Variants in C4orf50 observed in about 807,000 individuals in gnomAD.
The protein encoded by C4orf50 is chromosome 4 open reading frame 50, also known as uncharacterized protein C4orf50.
In C4orf50, 80 loss-of-function variants were observed where a neutral mutation model predicts 77.2. The ratio of observed to expected loss-of-function variants is 1.04; its 90% CI spans 0.87 to 1.25. The LOEUF (loss-of-function observed/expected upper bound fraction) is 1.25, where lower values mean the gene tolerates loss of function less well. C4orf50 is among the 50% of genes most tolerant of loss of function. C4orf50 has a pLI of 0.00. For missense variants in C4orf50, 1,257 were observed against 1,152.9 expected (o/e 1.09, Z -1.31); for synonymous variants, 532 against 465.3 (o/e 1.14, Z -1.84).
At chr4:5,923,102 T>G (rs993558889) in intron 7 of C4orf50, among the ~76,000 whole-genome samples, 2 of 152,202 alleles carry the variant, frequency 1.3e-5, no homozygotes, top group African/African-American at 4.8e-5. Flanking sequence ...TTTTCCCTGT[T>G]CCAGGAGGGA....
intron 7 of C4orf50, among the ~76,000 whole-genome samples, chr4:5,951,429 G>C (rs1002544568): frequency 3.3e-5 from 5 of 152,120 alleles, no homozygotes; most frequent in African/African-American, 1.2e-4. Flanking sequence ...AGATCCCAAA[G>C]CTAGTTAATG....
intron 7 of C4orf50, among the ~76,000 whole-genome samples, chr4:5,948,891 G>A (rs750869614): frequency 4.7e-5 from 7 of 150,300 alleles, no homozygotes; most frequent in Non-Finnish European, 7.4e-5. Context: ...AACTTGGGAT[G>A]CAGAGGTTGC....
intron 31 of C4orf50, among the ~76,000 whole-genome samples, chr4:5,971,824 G>A (rs1304177696): frequency 6.6e-6 from 1 of 152,120 alleles, no homozygotes; most frequent in Non-Finnish European, 1.5e-5. Flanking sequence ...GTCATTGTAA[G>A]TCAGCCGATC....
At chr4:5,928,856 A>G (rs1054625058) in intron 7 of C4orf50, among the ~76,000 whole-genome samples, 1 of 152,200 alleles carries the variant, frequency 6.6e-6, no homozygotes, top group South Asian at 2.1e-4. Flanking sequence ...AACAAAAAAT[A>G]AGTCAACCTT....
intron 25 of C4orf50, among the ~76,000 whole-genome samples, chr4:6,003,271 C>T (rs1367780760): frequency 3.3e-5 from 5 of 152,242 alleles, no homozygotes; most frequent in South Asian, 2.1e-4. Context: ...TGACAAATTA[C>T]ACTCACATCT....
chr4:5,959,557 G>T (rs1277058158), exon 34 of C4orf50: 1 of 1,614,156 alleles, frequency 6.2e-7, no homozygotes. Context: ...TGTGCGGGGA[G>T]ACCTGGTTCC....
At chr4:5,988,240 TGATTG>T in intron 28 of C4orf50, 102 bp downstream of exon 6, 7 of 1,398,906 alleles carry the variant, frequency 5.0e-6, no homozygotes, top group Non-Finnish European at 6.8e-6. Context: ...GTGGGGAGGA[TGATTG>T]TACCTCCCTC....
Position 5,908,346 on chromosome 4 carries a change from G to A in C4orf50, c.*2475-10158C>T, listed in dbSNP as rs929221889. On this transcript the variant is annotated intron_variant, in intron 7 of 7. Coordinates refer to the C4orf50 transcript ENST00000324058. The surrounding 1 kb of genome is among the most constrained non-coding windows in gnomAD (Gnocchi z 5.6). ...CATTATGACAGGGTACATGCAGGAA[G>A]CTCACTGCACTGCACTGCATGTGTG... Among the ~76,000 whole-genome samples, 1 of 152,152 alleles carries A rather than the reference G, an allele frequency of 6.6e-6. No individual in the cohort carries two copies. The highest frequency in any genetic ancestry group is 2.4e-5 in the African/African-American group (1 of 41,432).
intron 29 of C4orf50, among the ~76,000 whole-genome samples, chr4:5,979,234 A>G (rs1720441265): frequency 1.3e-5 from 2 of 152,240 alleles, no homozygotes; most frequent in Admixed American, 1.3e-4. Context: ...CGAGAGAGAA[A>G]TAAAAATGTT....
chr4:5,991,692 C>T (rs1220401155), intron 27 of C4orf50, among the ~76,000 whole-genome samples: 1 of 152,208 alleles, frequency 6.6e-6, no homozygotes, highest in East Asian at 1.9e-4. Context: ...CCTAGAATAG[C>T]TGGGAGAGGC....
At chr4:5,990,504 A>G (rs1721207646) in exon 28 of C4orf50, 2 of 399,130 alleles carry the variant, frequency 5.0e-6, no homozygotes, top group South Asian at 2.5e-4. Flanking sequence ...TTGTCTGGTG[A>G]CAATCCCAGC....
At chr4:5,952,674 A>G (rs1718781744), downstream of C4orf50, among the ~76,000 whole-genome samples, 1 of 152,190 alleles carries the variant, frequency 6.6e-6, no homozygotes, top group African/African-American at 2.4e-5. The surrounding 1 kb of genome is among the most constrained non-coding windows in gnomAD (Gnocchi z 4.4). Context: ...CGCTAAAGAA[A>G]GAAACTGGCT....
Position 5,980,156 on chromosome 4 carries a change from A to T in C4orf50, c.3864+18T>A. ...GGAGCCCTGGCTGACAAGAGGGGAA[A>T]GAAAGCACTTCCCACACCTTGGCCT... On this transcript the variant is annotated intron_variant, in intron 29 of 33. Transcript: ENST00000531445. 1.3e-6 allele frequency: 2 copies of T among 1,554,564 alleles called. No homozygotes were observed. Among genetic ancestry groups the T allele is most frequent in the South Asian group, 2.4e-5 (2 of 84,436 alleles).
intron 28 of C4orf50, among the ~76,000 whole-genome samples, chr4:5,987,576 G>A (rs1056975876): frequency 3.3e-5 from 5 of 150,070 alleles, no homozygotes; most frequent in African/African-American, 1.3e-4. Context: ...AAAGAAGGAA[G>A]AGAGAGACAA....
At chr4:5,910,571 G>T (rs1280971009) in intron 7 of C4orf50, among the ~76,000 whole-genome samples, 1 of 152,108 alleles carries the variant, frequency 6.6e-6, no homozygotes, top group Non-Finnish European at 1.5e-5. Context: ...ATCAGTTGAG[G>T]AAAGAGATTT....
At chr4:5,922,595 G>C (rs1717327370) in intron 7 of C4orf50, among the ~76,000 whole-genome samples, 1 of 152,200 alleles carries the variant, frequency 6.6e-6, no homozygotes. Flanking sequence ...GCTTCGGGGA[G>C]AGTGCCTTGC....
In C4orf50 at chr4:6,007,119, A is replaced by T. The variant is rs76456135; in HGVS notation, c.963+877T>A. On this transcript the variant is annotated intron_variant, in intron 25 of 33. Transcript: ENST00000531445. This position sits in a 1 kb window ranked among gnomAD's most constrained non-coding sequence, Gnocchi z 4.1. The stretch of plus-strand genomic sequence containing the variant: ...GAGTGAGTGGACAATAAGGGATACA[A>T]GGTGGCTGGTTGGCTGCCTGACCAG... Among the ~76,000 whole-genome samples the T allele has an allele frequency of 0.03, 4,537 of 152,268 alleles. 211 individuals are homozygous for T. Among genetic ancestry groups the T allele is most frequent in the African/African-American group, 0.1 (4,201 of 41,546 alleles).
At chr4:5,927,174 G>A (rs1295246610) in intron 7 of C4orf50, among the ~76,000 whole-genome samples, 1 of 152,156 alleles carries the variant, frequency 6.6e-6, no homozygotes, top group African/African-American at 2.4e-5. Context: ...TGTGCCTGGA[G>A]GCCAAAGGAC....
At chr4:5,978,548 C>A (rs1166118560) in intron 29 of C4orf50, among the ~76,000 whole-genome samples, 1 of 152,150 alleles carries the variant, frequency 6.6e-6, no homozygotes, top group Non-Finnish European at 1.5e-5. Flanking sequence ...ACACACACCC[C>A]CTCCCCACAG....
Sources: allele counts gnomAD v4.1 joint callset (sites outside exome capture counted in the v4.1 genomes callset), GRCh38; gene constraint gnomAD v4.1.1; non-coding constraint Gnocchi (gnomAD v3.1); transcripts MANE v1.5; gene names NCBI Gene and HGNC (gene_info 2026-07-23, HGNC 2026-07-21).